Variants in MTMR6 observed in about 807,000 individuals in gnomAD.
The protein encoded by MTMR6 is myotubularin related protein 6, also known as phosphatidylinositol-3,5-bisphosphate 3-phosphatase MTMR6.
A neutral mutation model predicts 80.1 loss-of-function variants in MTMR6; 47 were observed. That is an observed-to-expected ratio of 0.59 (90% confidence interval 0.46 to 0.75). The LOEUF is 0.75. MTMR6 is among the 30% of genes least tolerant of loss of function. The pLI is 0.00. For missense variants in MTMR6, 629 were observed against 730.9 expected, an observed-to-expected ratio of 0.86 and a Z score of 1.61; for synonymous variants, 254 against 253.0, an observed-to-expected ratio of 1.00 and a Z score of -0.04.
intron 10 of MTMR6, among the ~76,000 whole-genome samples, 179 bp from the exon 11 acceptor site, chr13:25,254,143 C>T (rs924832903): frequency 2.6e-4 from 39 of 152,152 alleles, no homozygotes; most frequent in African/African-American, 9.2e-4. Flanking sequence ...GGATCTGTTA[C>T]CATCTCTAAA....
At chr13:25,263,054 C>G (rs546893935) in intron 5 of MTMR6, among the ~76,000 whole-genome samples, 6 of 151,796 alleles carry the variant, frequency 4.0e-5, no homozygotes, top group Non-Finnish European at 5.9e-5. Flanking sequence ...AAGTCAGGTT[C>G]GAATAAAGAA....
At position 25,249,273 on chromosome 13, in the gene MTMR6, C is replaced by T. The variant is rs1211735436; in HGVS notation, c.1825G>A (p.Val609Met). 1.9e-6 allele frequency: 3 copies of T among 1,613,984 alleles called. No individual in the cohort carries two copies. In the Admixed American group the frequency reaches 5.0e-5, roughly 27 times the overall value. The change falls in exon 14 of 14, where the codon GTG (valine) becomes ATG (methionine). Residue 609 changes from valine to methionine, a missense_variant. By Grantham distance (21) the Val-to-Met change is conservative. Transcript: ENST00000381801. ...GCCACACCATACTCTAAGCTGACCA[C>T]AGCAGGTTCTGATTTAGAAAACTCT... The part of the protein sequence containing the change: ...AEEFSKSEPA[V>M]VSLEYGVARM...
intron 1 of MTMR6, among the ~76,000 whole-genome samples, chr13:25,279,765 G>T (rs1957806311): frequency 6.6e-6 from 1 of 152,042 alleles, no homozygotes; most frequent in Non-Finnish European, 1.5e-5. Flanking sequence ...TTCACTAATG[G>T]GAATAGGGAA....
chr13:25,265,746 A>AAAT, intron 5 of MTMR6, 73 bp downstream of exon 5: 1 of 1,457,750 alleles, frequency 6.9e-7, no homozygotes, highest in Non-Finnish European at 9.3e-7. Flanking sequence ...AAAAAAAAAA[A>AAAT]GTGTTATTTT....
At chr13:25,257,420 C>A in intron 8 of MTMR6, 99 bp from the exon 9 acceptor site, 1 of 1,363,390 alleles carries the variant, frequency 7.3e-7, no homozygotes, top group South Asian at 1.5e-5. Context: ...CAAGGAAGTG[C>A]TATGCCTGCA....
chr13:25,255,328 C>T (rs1394017512), intron 9 of MTMR6, among the ~76,000 whole-genome samples: 2 of 152,224 alleles, frequency 1.3e-5, no homozygotes, highest in Non-Finnish European at 2.9e-5. Flanking sequence ...GGTCTCTCTG[C>T]CATTCTTCTA....
rs1278676629 is a variant in MTMR6 at position 25,261,587 on chromosome 13, T to C, written c.726+81A>G. ...AACTAGGATTCAGATATTTTAAATATGGGCAAGTTTATTAACTCTCATTAA... is the reference window on the plus strand; with the variant it reads ...AACTAGGATTCAGATATTTTAAATACGGGCAAGTTTATTAACTCTCATTAA... On this transcript the variant is annotated intron_variant, in intron 6 of 13. Transcript: ENST00000381801. The C allele has an allele frequency of 1.9e-5, 23 of 1,196,692 alleles. 1 individual carries two copies. The East Asian group carries it at 5.3e-4, about 28-fold the overall frequency. 74.1% of individuals were successfully genotyped at this position (1,196,692 alleles called of 1,614,324 possible). A position where few individuals can be genotyped will look rare whatever the true frequency, so the allele number is the denominator to read the frequency against.
intron 3 of MTMR6, 99 bp downstream of exon 3, chr13:25,267,680 C>G (rs965341969): frequency 5.7e-5 from 72 of 1,260,964 alleles, no homozygotes; most frequent in Non-Finnish European, 7.8e-5. Flanking sequence ...ACTGTCAGAG[C>G]AAAAAAGGAT....
intron 1 of MTMR6, among the ~76,000 whole-genome samples, chr13:25,286,277 A>T (rs966946281): frequency 6.6e-6 from 1 of 152,218 alleles, no homozygotes; most frequent in Non-Finnish European, 1.5e-5. Context: ...AAGATAACGA[A>T]CATCTGTGGT....
intron 3 of MTMR6, among the ~76,000 whole-genome samples, chr13:25,267,112 G>A (rs1019054557): frequency 6.6e-6 from 1 of 152,034 alleles, no homozygotes; most frequent in Non-Finnish European, 1.5e-5. Flanking sequence ...GCCGGGTGTG[G>A]TGGTGGCTGC....
chr13:25,266,774 A>G (rs1445218164), intron 3 of MTMR6, among the ~76,000 whole-genome samples: 1 of 152,060 alleles, frequency 6.6e-6, no homozygotes, highest in Non-Finnish European at 1.5e-5. Context: ...CTTACTATAA[A>G]CTCTGGCTTA....
At chr13:25,277,644 G>A (rs1008641042) in intron 1 of MTMR6, among the ~76,000 whole-genome samples, 7 of 152,176 alleles carry the variant, frequency 4.6e-5, no homozygotes, top group African/African-American at 1.7e-4. Flanking sequence ...TATTCATTCA[G>A]TAATTCTTGA....
At chr13:25,252,033 A>G (rs1957100816) in intron 11 of MTMR6, 49 bp from the exon 12 acceptor site, 1 of 1,554,996 alleles carries the variant, frequency 6.4e-7, no homozygotes, top group South Asian at 1.2e-5. Context: ...GATGCAAAGT[A>G]GTAATGGTAA....
chr13:25,256,563 C>T (rs1205179163), intron 9 of MTMR6, among the ~76,000 whole-genome samples: 1 of 152,084 alleles, frequency 6.6e-6, no homozygotes, highest in Non-Finnish European at 1.5e-5. Context: ...ATTTTGAAAA[C>T]ATAAGTTAAT....
chr13:25,261,567 G>A, intron 6 of MTMR6, 101 bp downstream of exon 6: 2 of 1,025,072 alleles, frequency 2.0e-6, no homozygotes, highest in Non-Finnish European at 2.7e-6. Flanking sequence ...TTTAAAACTA[G>A]GATTCAGATA....
intron 1 of MTMR6, among the ~76,000 whole-genome samples, chr13:25,285,966 C>T (rs558156846): frequency 6.6e-6 from 1 of 152,230 alleles, no homozygotes; most frequent in South Asian, 2.1e-4. Flanking sequence ...AATACAAGAA[C>T]CTGATCCAAT....
At chr13:25,281,936 T>A (rs892193951) in intron 1 of MTMR6, among the ~76,000 whole-genome samples, 2 of 152,034 alleles carry the variant, frequency 1.3e-5, no homozygotes, top group African/African-American at 4.8e-5. Flanking sequence ...ACTTTTCAGT[T>A]TTTTCTTACT....
chr13:25,262,571 T>C (rs1305527128), intron 5 of MTMR6, among the ~76,000 whole-genome samples: 1 of 152,168 alleles, frequency 6.6e-6, no homozygotes, highest in Non-Finnish European at 1.5e-5. Flanking sequence ...TTTTGCCATG[T>C]TGCCCAGGCT....
In MTMR6 at chr13:25,246,727, C is replaced by A. The variant is rs563049541; in HGVS notation, c.*2505G>T. The A allele has an allele frequency of 7.2e-5, 11 of 152,792 alleles. No individual in the cohort carries two copies. Among genetic ancestry groups the A allele is most frequent in the African/African-American group, 2.4e-4 (10 of 41,554 alleles). 9.5% of individuals were successfully genotyped at this position (152,792 alleles called of 1,614,324 possible). On this transcript the variant is annotated 3_prime_UTR_variant, in exon 14 of 14. Coordinates refer to ENST00000381801, the MANE Select transcript of MTMR6 (RefSeq NM_004685.5). ...GTTTCAAAACAGGCTTGACTGACAC[C>A]ACCTCCCTGCTCTGCTACCCGACCA...
Sources: gnomAD v4.1 joint callset for allele counts (sites outside exome capture counted in the v4.1 genomes callset) on GRCh38, gnomAD v4.1.1 for gene constraint, MANE v1.5 for transcripts, NCBI Gene and HGNC (gene_info 2026-07-23, HGNC 2026-07-21) for gene names.